The following C8orf34 variants were observed in gnomAD, a reference collection of about 807,000 sequenced individuals.
C8orf34 encodes the protein chromosome 8 open reading frame 34.
C8orf34 carries 65 observed loss-of-function variants against 68.3 expected under a neutral mutation model. The ratio of observed to expected loss-of-function variants is 0.95; its 90% CI spans 0.78 to 1.17. C8orf34 has a LOEUF of 1.17. Ranked by LOEUF, C8orf34 falls within the 50% of genes most tolerant of loss-of-function variation. C8orf34 has a pLI of 0.00. For missense variants in C8orf34, 664 were observed against 655.4 expected (o/e 1.01, Z -0.14); for synonymous variants, 244 against 241.2 (o/e 1.01, Z -0.11).
chr8:68,373,698 A>T (rs1040961234), intron 1 of C8orf34, among the ~76,000 whole-genome samples: 1 of 152,204 alleles, frequency 6.6e-6, no homozygotes. Context: ...CCAAAAAAAT[A>T]AAGTATGTTT....
chr8:68,423,809 G>T lies in C8orf34; in HGVS notation c.328-15690G>T, dbSNP rs191154643. On this transcript the variant is annotated intron_variant, in intron 1 of 13. Transcript: ENST00000518698. ...TTCAACATGACTGGGGAGGCCTCAG[G>T]AAACTTACAATCATGGCAGAAGGAA... Among the ~76,000 whole-genome samples the T allele has an allele frequency of 3.3e-3, 507 of 152,248 alleles. 14 individuals are homozygous for T. The highest frequency in any genetic ancestry group is 0.031 in the Admixed American group (474 of 15,298).
intron 12 of C8orf34, among the ~76,000 whole-genome samples, chr8:68,809,756 C>G (rs1169413955): frequency 6.6e-6 from 1 of 152,256 alleles, no homozygotes; most frequent in South Asian, 2.1e-4. Flanking sequence ...ACTATTCCCT[C>G]GAGCAGATGT....
intron 10 of C8orf34, among the ~76,000 whole-genome samples, chr8:68,744,531 G>T (rs1318614940): frequency 2.6e-5 from 4 of 151,672 alleles, no homozygotes; most frequent in Admixed American, 6.6e-5. Context: ...ATACAGAGAA[G>T]TGCTTAAAGG....
chr8:68,772,691 C>T (rs1823377405), intron 10 of C8orf34, among the ~76,000 whole-genome samples: 1 of 148,878 alleles, frequency 6.7e-6, no homozygotes, highest in African/African-American at 2.5e-5. Context: ...CTTTCCCTCC[C>T]TCCCTCCCTC....
intron 9 of C8orf34, 38 bp downstream of exon 9, chr8:68,709,117 G>A: frequency 6.8e-7 from 1 of 1,469,994 alleles, no homozygotes; most frequent in Non-Finnish European, 9.5e-7. Flanking sequence ...TGCAGTTCTA[G>A]TGGCACTTAA....
chr8:68,722,196 T>C (rs1821697339), intron 10 of C8orf34, among the ~76,000 whole-genome samples: 2 of 152,066 alleles, frequency 1.3e-5, no homozygotes, highest in South Asian at 4.1e-4. Context: ...CAGATAAATG[T>C]CTTCTCCCTG....
chr8:68,715,034 C>T (rs1821430651), intron 9 of C8orf34, among the ~76,000 whole-genome samples: 1 of 151,962 alleles, frequency 6.6e-6, no homozygotes, highest in African/African-American at 2.4e-5. Context: ...GAAGGGACAC[C>T]CTATTCAATA....
At chr8:68,502,643 A>T (rs543403392) in intron 5 of C8orf34, among the ~76,000 whole-genome samples, 2 of 152,196 alleles carry the variant, frequency 1.3e-5, no homozygotes, top group African/African-American at 4.8e-5. Flanking sequence ...TGCTTTTCCT[A>T]TACAAATTAC....
Position 68,684,971 on chromosome 8 carries a change from G to A in C8orf34, c.1242-24023G>A, listed in dbSNP as rs1198740584. Among the ~76,000 whole-genome samples the A allele has an allele frequency of 3.3e-5, 5 of 151,938 alleles. No individual in the cohort carries two copies. The South Asian group carries it at 8.3e-4, about 25-fold the overall frequency. On this transcript the variant is annotated intron_variant, in intron 8 of 13. Coordinates refer to ENST00000518698, the MANE Select transcript of C8orf34 (RefSeq NM_052958.4). ...TTAGTTTTGGTTTATTATAAATTAT[G>A]TTTCATTAATATACAACAGGTAAAA... is the stretch of plus-strand genomic sequence containing the variant.
At chr8:68,794,162 C>CTT (rs1824095916) in intron 12 of C8orf34, among the ~76,000 whole-genome samples, 1 of 151,400 alleles carries the variant, frequency 6.6e-6, no homozygotes, top group African/African-American at 2.4e-5. Flanking sequence ...AATTTTTTTT[C>CTT]TGTTTTTAAA....
intron 6 of C8orf34, among the ~76,000 whole-genome samples, chr8:68,526,391 T>G (rs561502816): frequency 2.6e-4 from 39 of 152,290 alleles, no homozygotes; most frequent in African/African-American, 9.4e-4. Flanking sequence ...CCAGGTAATG[T>G]GCTAGATACT....
At chr8:68,345,218 A>G (rs1806231398) in intron 1 of C8orf34, among the ~76,000 whole-genome samples, 1 of 152,022 alleles carries the variant, frequency 6.6e-6, no homozygotes, top group African/African-American at 2.4e-5. Flanking sequence ...AACACAAAGG[A>G]AAATGGAAAA....
At chr8:68,737,547 C>A (rs749988558) in intron 10 of C8orf34, among the ~76,000 whole-genome samples, 1 of 151,934 alleles carries the variant, frequency 6.6e-6, no homozygotes, top group South Asian at 2.1e-4. Flanking sequence ...CAATGCCACC[C>A]ATACACTCAA....
chr8:68,535,750 G>A (rs1326540686), intron 7 of C8orf34: 2 of 948,556 alleles, frequency 2.1e-6, no homozygotes, highest in Non-Finnish European at 2.5e-6. Context: ...TGCTTTAAAT[G>A]CTCCTTATAA....
chr8:68,419,564 A>T (rs1037195842), intron 1 of C8orf34, among the ~76,000 whole-genome samples: 17 of 151,874 alleles, frequency 1.1e-4, no homozygotes, highest in African/African-American at 3.6e-4. Flanking sequence ...AATAGCAAAG[A>T]CTTGGAACCA....
At chr8:68,620,551 G>A (rs1271422143) in intron 7 of C8orf34, among the ~76,000 whole-genome samples, 3 of 151,994 alleles carry the variant, frequency 2.0e-5, no homozygotes, top group South Asian at 2.1e-4. Context: ...AGGACACATC[G>A]CTTCCCCTTA....
intron 1 of C8orf34, 194 bp downstream of exon 1, chr8:68,331,533 CT>C (rs548992602): frequency 1.5e-6 from 1 of 658,136 alleles, no homozygotes. Context: ...CGGGCGGGCA[CT>C]TAGCCAGTTA....
At chr8:68,410,039 T>G (rs1337511495) in intron 1 of C8orf34, among the ~76,000 whole-genome samples, 1 of 152,190 alleles carries the variant, frequency 6.6e-6, no homozygotes, top group East Asian at 1.9e-4. Flanking sequence ...CACACTGTGA[T>G]GTTCCCACAA....
At chr8:68,503,926 G>T (rs1200640190) in intron 5 of C8orf34, among the ~76,000 whole-genome samples, 1 of 151,998 alleles carries the variant, frequency 6.6e-6, no homozygotes, top group East Asian at 1.9e-4. Flanking sequence ...CAGCTTTATT[G>T]AAATATAATT....
Sources: allele counts gnomAD v4.1 joint callset (sites outside exome capture counted in the v4.1 genomes callset), GRCh38; gene constraint gnomAD v4.1.1; transcripts MANE v1.5; gene names NCBI Gene and HGNC (gene_info 2026-07-23, HGNC 2026-07-21).